The following TNRC6A variants were observed in gnomAD, a reference collection of about 807,000 sequenced individuals.
The protein encoded by TNRC6A is trinucleotide repeat-containing gene 6A protein.
A neutral mutation model predicts 221.2 loss-of-function variants in TNRC6A; 44 were observed. That is an observed-to-expected ratio of 0.20 (90% CI 0.16 to 0.26). The LOEUF (loss-of-function observed/expected upper bound fraction) is 0.26, where lower values mean the gene tolerates loss of function less well. TNRC6A is among the 10% of genes least tolerant of loss of function. The pLI is 1.00. For missense variants in TNRC6A, 2,199 were observed against 2,404.4 expected, an observed-to-expected ratio of 0.91 and a Z score of 1.79; for synonymous variants, 847 against 838.5, an observed-to-expected ratio of 1.01 and a Z score of -0.18.
intron 2 of TNRC6A, among the ~76,000 whole-genome samples, chr16:24,715,779 G>A (rs1246573067): frequency 6.6e-6 from 1 of 151,726 alleles, no homozygotes; most frequent in African/African-American, 2.4e-5. Context: ...CACCAAGCCT[G>A]GCTAAATTTT....
intron 1 of TNRC6A, 96 bp from the exon 2 acceptor site, chr16:24,730,157 G>A: frequency 2.1e-6 from 1 of 472,782 alleles, no homozygotes; most frequent in Non-Finnish European, 2.9e-6. Context: ...ATCCGGCCCC[G>A]GCGCGAGCCT....
At chr16:24,745,047 A>G (rs1346686053) in intron 2 of TNRC6A, among the ~76,000 whole-genome samples, 2 of 152,136 alleles carry the variant, frequency 1.3e-5, no homozygotes, top group Non-Finnish European at 2.9e-5. Flanking sequence ...TTATTTAACT[A>G]CTGTATTTGC....
intron 2 of TNRC6A, among the ~76,000 whole-genome samples, chr16:24,732,291 A>AGT (rs1278304069): frequency 1.3e-5 from 2 of 152,230 alleles, no homozygotes; most frequent in Non-Finnish European, 2.9e-5. Context: ...CTTTACCCAT[A>AGT]GTGCTCTCTC....
At chr16:24,697,290 T>G (rs1351689838) in intron 2 of TNRC6A, among the ~76,000 whole-genome samples, 1 of 152,238 alleles carries the variant, frequency 6.6e-6, no homozygotes, top group African/African-American at 2.4e-5. Context: ...GATATCTTTC[T>G]GTCTAATCCT....
intron 11 of TNRC6A, among the ~76,000 whole-genome samples, chr16:24,803,244 C>A (rs1394582242): frequency 6.6e-6 from 1 of 151,814 alleles, no homozygotes; most frequent in Non-Finnish European, 1.5e-5. Flanking sequence ...CATGGGGAAA[C>A]CCTGTCTCTA....
intron 5 of TNRC6A, among the ~76,000 whole-genome samples, chr16:24,781,654 T>G (rs768943020): frequency 2.0e-5 from 3 of 152,112 alleles, no homozygotes; most frequent in African/African-American, 7.2e-5. Context: ...TGTCCAAACT[T>G]GAACTCTTTG....
At chr16:24,625,599 G>A (rs1434565740) in intron 1 of TNRC6A, among the ~76,000 whole-genome samples, 4 of 152,078 alleles carry the variant, frequency 2.6e-5, no homozygotes, top group East Asian at 3.9e-4. Context: ...GGTGGCGGGC[G>A]CCTGTAGTCC....
At chr16:24,634,812 A>G (rs1201674212) in intron 1 of TNRC6A, among the ~76,000 whole-genome samples, 1 of 152,226 alleles carries the variant, frequency 6.6e-6, no homozygotes, top group Non-Finnish European at 1.5e-5. Flanking sequence ...CTCATGGTTC[A>G]GTGGCACCTG....
intron 2 of TNRC6A, among the ~76,000 whole-genome samples, chr16:24,722,282 C>T (rs1244500100): frequency 6.6e-6 from 1 of 152,066 alleles, no homozygotes; most frequent in Non-Finnish European, 1.5e-5. Flanking sequence ...AGCATGGTGA[C>T]ACACACCTCT....
chr16:24,751,437 C>T (rs1390944271), intron 3 of TNRC6A, among the ~76,000 whole-genome samples: 3 of 151,938 alleles, frequency 2.0e-5, no homozygotes, highest in African/African-American at 7.3e-5. Flanking sequence ...TCTAAACTAG[C>T]TAATTTAGTA....
chr16:24,734,719 T>G (rs1320455518), intron 2 of TNRC6A, among the ~76,000 whole-genome samples: 5 of 152,244 alleles, frequency 3.3e-5, no homozygotes, highest in Non-Finnish European at 7.3e-5. Flanking sequence ...AAATATAATT[T>G]TGGTTTCTCC....
intron 4 of TNRC6A, 135 bp downstream of exon 4, chr16:24,758,495 T>TA: frequency 1.2e-6 from 1 of 866,848 alleles, no homozygotes; most frequent in Non-Finnish European, 1.8e-6. Flanking sequence ...TTCAGTAACA[T>TA]ACCCTGGGGT....
At chr16:24,760,608 T>G (rs1354429077) in intron 4 of TNRC6A, among the ~76,000 whole-genome samples, 1 of 152,208 alleles carries the variant, frequency 6.6e-6, no homozygotes, top group Non-Finnish European at 1.5e-5. Context: ...ATTGTTTTAT[T>G]TCTGTGCTAT....
chr16:24,675,368 G>A lies in TNRC6A; in HGVS notation n.402+34359G>A, dbSNP rs571385576. On this transcript the variant is annotated intron_variant and non_coding_transcript_variant, in intron 2 of 2. Transcript: ENST00000566108. Reference sequence around the variant, plus strand: ...AGATTTCAGGCTGCCGAAGGATACAGATGCATTTTAGCTTTAAAAGAGGCT... The same window carrying A: ...AGATTTCAGGCTGCCGAAGGATACAAATGCATTTTAGCTTTAAAAGAGGCT... Among the ~76,000 whole-genome samples, 16 of 152,094 alleles carry A rather than the reference G, an allele frequency of 1.1e-4. 1 individual carries two copies. The South Asian group carries it at 3.3e-3, about 32-fold the overall frequency.
chr16:24,786,056 G>C (rs2057958532), intron 5 of TNRC6A, among the ~76,000 whole-genome samples: 1 of 152,188 alleles, frequency 6.6e-6, no homozygotes, highest in Admixed American at 6.5e-5. Flanking sequence ...TACTCTGTTG[G>C]AGTGTAAATC....
intron 4 of TNRC6A, among the ~76,000 whole-genome samples, chr16:24,761,049 C>T (rs746258193): frequency 6.6e-6 from 1 of 152,162 alleles, no homozygotes; most frequent in African/African-American, 2.4e-5. Flanking sequence ...AAGAGTCTGC[C>T]TATTCCAGAA....
intron 7 of TNRC6A, 70 bp downstream of exon 7, chr16:24,793,719 A>C: frequency 8.2e-7 from 1 of 1,214,290 alleles, no homozygotes; most frequent in Non-Finnish European, 1.1e-6. Context: ...TAATTAAATA[A>C]TTAGATAAGG....
At chr16:24,631,885 G>T (rs1254567112) in intron 1 of TNRC6A, among the ~76,000 whole-genome samples, 1 of 151,710 alleles carries the variant, frequency 6.6e-6, no homozygotes, top group Non-Finnish European at 1.5e-5. Context: ...TTGGAACAGG[G>T]TCTCACTCTG....
At chr16:24,651,332 A>C (rs1902635519) in intron 2 of TNRC6A, among the ~76,000 whole-genome samples, 2 of 151,794 alleles carry the variant, frequency 1.3e-5, no homozygotes. Flanking sequence ...TGAGGTTGGG[A>C]GTTCGAGACC....
Sources: allele counts gnomAD v4.1 joint callset (sites outside exome capture counted in the v4.1 genomes callset), GRCh38; gene constraint gnomAD v4.1.1; transcripts MANE v1.5; gene names NCBI Gene and HGNC (gene_info 2026-07-23, HGNC 2026-07-21).